Variants in PILRA observed in about 807,000 individuals in gnomAD.
PILRA encodes paired immunoglobin like type 2 receptor alpha, also known as paired immunoglobulin-like type 2 receptor alpha.
A neutral mutation model predicts 33.1 loss-of-function variants in PILRA; 37 were observed. The ratio of observed to expected loss-of-function variants is 1.12; its 90% CI spans 0.86 to 1.47. The LOEUF is 1.47. PILRA is among the 40% of genes most tolerant of loss of function. PILRA has a pLI of 0.00. For synonymous variants in PILRA, 146 were observed against 149.9 expected (o/e 0.97, Z 0.19); for missense variants, 312 against 376.2 (o/e 0.83, Z 1.41).
At chr7:100,385,418 A>T (rs183098649) in intron 2 of PILRA, among the ~76,000 whole-genome samples, 5 of 152,338 alleles carry the variant, frequency 3.3e-5, no homozygotes, top group African/African-American at 9.6e-5. Context: ...ATTTAAAAAA[A>T]TACAGAAGGA....
rs761901435 is a variant in PILRA at position 100,374,094 on chromosome 7, A to G, written c.115A>G (p.Lys39Glu). ...CTACCTTTATGGGGTCACTCAACCA[A>G]AACACCTCTCAGCCTCCATGGGTGG... ...PSYLYGVTQP[K>E]HLSASMGGSV... The change falls in exon 2 of 7, where the codon AAA (lysine) becomes GAA (glutamate). Residue 39 changes from lysine to glutamate, a missense_variant. Lys to Glu is a moderately conservative substitution (Grantham distance 56, BLOSUM62 1). Coordinates refer to ENST00000198536, the MANE Select transcript of PILRA (RefSeq NM_013439.3). 6.8e-6 allele frequency: 11 copies of G among 1,613,934 alleles called. No homozygotes were observed. The highest frequency in any genetic ancestry group is 8.5e-6 in the Non-Finnish European group (10 of 1,180,002).
upstream of PILRA, chr7:100,373,349 C>G: frequency 1.8e-6 from 1 of 545,238 alleles, no homozygotes; most frequent in Non-Finnish European, 3.3e-6. Context: ...CAGGCCCAGC[C>G]CCCCAAGGTC....
chr7:100,399,734 G>C (rs376010214), intron 6 of PILRA, 51 bp from the exon 7 acceptor site: 1 of 1,611,726 alleles, frequency 6.2e-7, no homozygotes. Context: ...GCTAAGATGG[G>C]AACAGCTCCG....
intron 3 of PILRA, among the ~76,000 whole-genome samples, chr7:100,391,489 C>A (rs930715752): frequency 6.6e-6 from 1 of 152,062 alleles, no homozygotes; most frequent in African/African-American, 2.4e-5. Context: ...GAGTTCAAGA[C>A]CAGCCTGGGC....
intron 2 of PILRA, among the ~76,000 whole-genome samples, chr7:100,384,619 A>G (rs569420994): frequency 2.8e-4 from 42 of 151,818 alleles, no homozygotes; most frequent in Admixed American, 1.2e-3. Context: ...GCTATCCACA[A>G]AAAAATTTTT....
chr7:100,374,795 G>A (rs961599148), intron 2 of PILRA: 6 of 340,862 alleles, frequency 1.8e-5, no homozygotes, highest in Non-Finnish European at 3.4e-5. Flanking sequence ...TCTCCAGGAT[G>A]TGGCTCACCC....
chr7:100,375,037 G>A (rs1790913957), intron 2 of PILRA, among the ~76,000 whole-genome samples: 1 of 152,002 alleles, frequency 6.6e-6, no homozygotes, highest in African/African-American at 2.4e-5. Flanking sequence ...TCCCTGACCT[G>A]TCTCGCCTCT....
rs747938446 is a variant in PILRA at position 100,374,329 on chromosome 7, A to C, written c.350A>C (p.Lys117Thr). 6.2e-7 allele frequency: 1 copy of C among 1,614,134 alleles called. No individual in the cohort carries two copies. The highest frequency in any genetic ancestry group is 1.7e-5 in the Admixed American group (1 of 60,026). The change falls in exon 2 of 7, where the codon AAG (lysine) becomes ACG (threonine). Residue 117 changes from lysine (K) to threonine (T), a missense_variant. Lys to Thr is a moderately conservative substitution (Grantham distance 78, BLOSUM62 -1). Transcript: ENST00000198536. Reference protein sequence around the residue: ...SGFLRISNLQKQDQSVYFCRV... With the variant: ...SGFLRISNLQTQDQSVYFCRV... ...TTCCTCAGGATCTCCAACCTGCAGA[A>C]GCAGGACCAGTCTGTGTATTTCTGC...
At chr7:100,372,091 A>AG (rs2130144290), upstream of PILRA, among the ~76,000 whole-genome samples, 2 of 152,252 alleles carry the variant, frequency 1.3e-5, no homozygotes, top group African/African-American at 4.8e-5. Context: ...CCAGACAGCC[A>AG]GGGGGTCCCT....
chr7:100,397,589 G>C (rs927970879), intron 3 of PILRA, among the ~76,000 whole-genome samples: 1 of 152,134 alleles, frequency 6.6e-6, no homozygotes, highest in Non-Finnish European at 1.5e-5. Context: ...GGGCTCAGCG[G>C]TGGAGGGAGC....
chr7:100,399,645 A>C, intron 6 of PILRA, 33 bp downstream of exon 6: 1 of 1,613,870 alleles, frequency 6.2e-7, no homozygotes, highest in Non-Finnish European at 8.5e-7. Context: ...GAAGGAATTA[A>C]AGAGAAGCCT....
chr7:100,396,146 A>C (rs958183769), intron 3 of PILRA, among the ~76,000 whole-genome samples: 1 of 151,996 alleles, frequency 6.6e-6, no homozygotes, highest in Non-Finnish European at 1.5e-5. Flanking sequence ...TAAATAAATA[A>C]ATAAAGCTAC....
Position 100,374,293 on chromosome 7 carries a change from A to G in PILRA, c.314A>G (p.Gln105Arg), listed in dbSNP as rs760958715. 1.2e-6 allele frequency: 2 copies of G among 1,614,062 alleles called. No individual in the cohort carries two copies. Among genetic ancestry groups the G allele is most frequent in the Non-Finnish European group, 1.7e-6 (2 of 1,180,024 alleles). ...CTCTTTCTGAACTGGACAGAGGGTC[A>G]GAAGAGCGGCTTCCTCAGGATCTCC... ...NRLFLNWTEGQKSGFLRISNL... is the reference protein window; with the variant it reads ...NRLFLNWTEGRKSGFLRISNL... The change falls in exon 2 of 7, where the codon CAG becomes CGG. Residue 105 changes from glutamine to arginine, a missense_variant. Transcript: ENST00000198536.
intron 3 of PILRA, among the ~76,000 whole-genome samples, chr7:100,395,364 T>C (rs1247178213): frequency 6.6e-6 from 1 of 152,176 alleles, no homozygotes; most frequent in East Asian, 1.9e-4. Flanking sequence ...TCTTCTGCCA[T>C]GTGAGGACAC....
At chr7:100,379,453 G>A (rs916211507) in intron 2 of PILRA, among the ~76,000 whole-genome samples, 2 of 152,002 alleles carry the variant, frequency 1.3e-5, no homozygotes, top group Non-Finnish European at 2.9e-5. Flanking sequence ...AGATCTTGAG[G>A]TCAGGAGTTC....
Position 100,374,171 on chromosome 7 carries a change from T to C in PILRA, c.192T>C (p.Ala64=), listed in dbSNP as rs201249613. 5.6e-6 allele frequency: 9 copies of C among 1,613,952 alleles called. No individual in the cohort carries two copies. Among genetic ancestry groups the C allele is most frequent in the Admixed American group, 3.3e-5 (2 of 59,992 alleles). The change falls in exon 2 of 7, where the codon GCT becomes GCC. Residue 64 remains alanine (A), a synonymous_variant. Transcript: ENST00000198536. The stretch of plus-strand genomic sequence containing the variant: ...ATTACCCCTGGGAGTTAGCCACAGC[T>C]CCCGACGTGAGAATATCCTGGAGAC... ...SFYYPWELAT[A]PDVRISWRRG...
chr7:100,373,380 A>G (rs1584207413), upstream of PILRA: 1 of 570,850 alleles, frequency 1.8e-6, no homozygotes, highest in Non-Finnish European at 3.1e-6. Flanking sequence ...CCTCGGCAGG[A>G]GGACGGGGAC....
upstream of PILRA, among the ~76,000 whole-genome samples, chr7:100,371,366 C>T (rs1198618130): frequency 6.6e-6 from 1 of 152,180 alleles, no homozygotes; most frequent in African/African-American, 2.4e-5. Context: ...TTTGGCTATT[C>T]TAGGTCCTTT....
intron 5 of PILRA, 52 bp from the exon 6 acceptor site, chr7:100,399,529 C>A: frequency 6.2e-7 from 1 of 1,607,224 alleles, no homozygotes. Flanking sequence ...CCATCTCTCT[C>A]CCCTGGCTGT....
Sources: allele counts gnomAD v4.1 joint callset (sites outside exome capture counted in the v4.1 genomes callset), GRCh38; gene constraint gnomAD v4.1.1; transcripts MANE v1.5; gene names NCBI Gene and HGNC (gene_info 2026-07-23, HGNC 2026-07-21).